Variants in FOXN2 observed in about 807,000 individuals in gnomAD.
FOXN2 encodes forkhead box protein N2.
In FOXN2, 19 loss-of-function variants were observed where a neutral mutation model predicts 41.2. That is an observed-to-expected ratio of 0.46 (90% CI 0.32 to 0.68). The LOEUF is 0.68. Ranked by LOEUF, FOXN2 falls within the 30% of genes least tolerant of loss-of-function variation. The pLI is 0.03. For missense variants in FOXN2, 587 were observed against 509.4 expected (o/e 1.15, Z -1.47); for synonymous variants, 195 against 176.8 (o/e 1.10, Z -0.82).
chr2:48,354,586 G>A lies in FOXN2; in HGVS notation c.538-4461G>A, dbSNP rs535861390. 2.2e-4 allele frequency among the ~76,000 whole-genome samples: 33 copies of A among 152,292 alleles called. No homozygotes were observed. In the South Asian group the frequency reaches 2.7e-3, roughly 12 times the overall value. The stretch of plus-strand genomic sequence containing the variant: ...CTGCACTCCAGCCTGGCAACAGAGC[G>A]AGACTTCGTCTCAAAAACAAAAAAA... On this transcript the variant is annotated intron_variant, in intron 3 of 6. Transcript: ENST00000340553.
At chr2:48,333,997 C>G (rs1670181373) in intron 2 of FOXN2, among the ~76,000 whole-genome samples, 1 of 152,014 alleles carries the variant, frequency 6.6e-6, no homozygotes, top group Non-Finnish European at 1.5e-5. Flanking sequence ...CCTGAATAAT[C>G]AGGTACATTG....
chr2:48,364,279 G>C (rs1299463076), intron 5 of FOXN2, among the ~76,000 whole-genome samples: 2 of 151,924 alleles, frequency 1.3e-5, no homozygotes, highest in African/African-American at 4.8e-5. Context: ...CCAGGCCAGA[G>C]GGCAATGGCA....
intron 5 of FOXN2, among the ~76,000 whole-genome samples, chr2:48,370,628 C>T (rs555510504): frequency 3.3e-5 from 5 of 152,014 alleles, no homozygotes; most frequent in Middle Eastern, 3.4e-3. Flanking sequence ...GATCATTTGC[C>T]CATTTTTAAA....
chr2:48,359,030 T>A lies in FOXN2; in HGVS notation c.538-17T>A. The A allele has an allele frequency of 1.3e-6, 2 of 1,582,430 alleles. No individual in the cohort carries two copies. Among genetic ancestry groups the A allele is most frequent in the Non-Finnish European group, 1.7e-6 (2 of 1,154,388 alleles). On this transcript the variant is annotated splice_polypyrimidine_tract_variant and intron_variant, in intron 3 of 6. Coordinates refer to ENST00000340553, the MANE Select transcript of FOXN2 (RefSeq NM_002158.4). ...ATGTATAAAAGTTCCTAGTTATTCT[T>A]GTGCATTTTATTCTAGGTTAATGGA...
intron 5 of FOXN2, among the ~76,000 whole-genome samples, chr2:48,370,236 T>C (rs1474263154): frequency 6.6e-6 from 1 of 152,088 alleles, no homozygotes; most frequent in African/African-American, 2.4e-5. Context: ...AGAGACACAA[T>C]ATGGGCTAGC....
chr2:48,327,420 G>T, intron 1 of FOXN2, among the ~76,000 whole-genome samples: 1 of 151,762 alleles, frequency 6.6e-6, no homozygotes, highest in East Asian at 2.0e-4. Flanking sequence ...ATTTTAGAAA[G>T]TATTACTTTC....
chr2:48,361,240 GTGGATC>G (rs1362939692), intron 4 of FOXN2, among the ~76,000 whole-genome samples: 6 of 152,118 alleles, frequency 3.9e-5, no homozygotes, highest in African/African-American at 1.4e-4. Context: ...GCCGAGGCCA[GTGGATC>G]ACCTGAGGTC....
intron 2 of FOXN2, among the ~76,000 whole-genome samples, chr2:48,332,700 T>G (rs1188614155): frequency 6.6e-6 from 1 of 152,226 alleles, no homozygotes; most frequent in African/African-American, 2.4e-5. Context: ...GCTAATAATT[T>G]TAAAATTTAT....
At chr2:48,353,189 A>T (rs1205983732) in intron 3 of FOXN2, among the ~76,000 whole-genome samples, 1 of 151,906 alleles carries the variant, frequency 6.6e-6, no homozygotes, top group East Asian at 1.9e-4. Flanking sequence ...GGTTTTCAAG[A>T]CCCTCCCCAG....
chr2:48,325,082 A>G (rs908766301), intron 1 of FOXN2, among the ~76,000 whole-genome samples: 17 of 152,240 alleles, frequency 1.1e-4, no homozygotes, highest in Admixed American at 1.1e-3. Context: ...GGATGTAGAT[A>G]CTGAATCAGT....
At chr2:48,345,121 C>T (rs1465655446) in intron 2 of FOXN2, among the ~76,000 whole-genome samples, 1 of 152,128 alleles carries the variant, frequency 6.6e-6, no homozygotes, top group Non-Finnish European at 1.5e-5. Flanking sequence ...AGTACAGGGA[C>T]AGTTCATACC....
intron 3 of FOXN2, among the ~76,000 whole-genome samples, chr2:48,354,219 C>G (rs553027299): frequency 1.3e-4 from 20 of 152,238 alleles, no homozygotes; most frequent in African/African-American, 4.8e-4. Context: ...CCAACAGTGT[C>G]AAATGTTGCA....
intron 1 of FOXN2, among the ~76,000 whole-genome samples, chr2:48,327,686 C>T (rs1213629101): frequency 6.6e-6 from 1 of 152,132 alleles, no homozygotes; most frequent in Non-Finnish European, 1.5e-5. Context: ...CTCAGGTGAT[C>T]CACCTGCCTT....
At chr2:48,336,418 A>AAAATATATAT in intron 2 of FOXN2, among the ~76,000 whole-genome samples, 1 of 147,366 alleles carries the variant, frequency 6.8e-6, no homozygotes, top group East Asian at 2.0e-4. Context: ...CAAAAAAAAA[A>AAAATATATAT]ATATATATAT....
At chr2:48,332,461 C>T (rs141839240) in intron 2 of FOXN2, among the ~76,000 whole-genome samples, 3 of 152,192 alleles carry the variant, frequency 2.0e-5, no homozygotes, top group African/African-American at 7.2e-5. Context: ...AAAGTCGAAT[C>T]GTAAAGAAAA....
At chr2:48,332,636 C>A (rs1167922661) in intron 2 of FOXN2, among the ~76,000 whole-genome samples, 2 of 151,846 alleles carry the variant, frequency 1.3e-5, no homozygotes, top group African/African-American at 4.8e-5. Context: ...GATTTTGTAC[C>A]CTGATTTTTA....
chr2:48,336,449 G>T (rs1558619063), intron 2 of FOXN2, among the ~76,000 whole-genome samples: 1 of 148,266 alleles, frequency 6.7e-6, no homozygotes, highest in African/African-American at 2.5e-5. Flanking sequence ...GTGTGTGTGT[G>T]TGTGTGTGTA....
chr2:48,336,730 A>G (rs552337631), intron 2 of FOXN2, among the ~76,000 whole-genome samples: 1 of 152,260 alleles, frequency 6.6e-6, no homozygotes, highest in East Asian at 1.9e-4. Flanking sequence ...ATTCATGTAT[A>G]TGGGGTTTAG....
Position 48,375,433 on chromosome 2 carries a change from G to A in FOXN2, c.1286G>A (p.Arg429Gln), listed in dbSNP as rs745810950. The change falls in exon 7 of 7, where the codon CGG (arginine) becomes CAG (glutamine). Residue 429 changes from arginine to glutamine, a missense_variant. Physicochemically the swap from Arg to Gln is conservative, Grantham distance 43. Transcript: ENST00000340553. ...GCAAAGACACAAAATCAAAAGCAAC[G>A]GAAAAAATAGAAATACTTAAAGTGT... Reference protein sequence around the residue: ...STAKTQNQKQRKK With the variant: ...STAKTQNQKQQKK 62 of 1,600,058 alleles carry A rather than the reference G, an allele frequency of 3.9e-5. No individual in the cohort carries two copies. Among genetic ancestry groups the A allele is most frequent in the Admixed American group, 5.2e-5 (3 of 57,490 alleles).
Sources: allele counts gnomAD v4.1 joint callset (sites outside exome capture counted in the v4.1 genomes callset), GRCh38; gene constraint gnomAD v4.1.1; transcripts MANE v1.5; gene names NCBI Gene and HGNC (gene_info 2026-07-23, HGNC 2026-07-21).